Variants in CREB3L2 observed in about 807,000 individuals in gnomAD.
CREB3L2 encodes the protein cAMP responsive element binding protein 3 like 2.
A neutral mutation model predicts 57.2 loss-of-function variants in CREB3L2; 23 were observed. That is an observed-to-expected ratio of 0.40 (90% CI 0.29 to 0.57). The LOEUF is 0.57. Among genes scored for constraint, CREB3L2 ranks in the 20% least tolerant of loss-of-function variants. The probability of loss-of-function intolerance (pLI) is 0.42; values close to 1 mark genes in which losing one functional copy is unlikely to be tolerated. For missense variants in CREB3L2, 628 were observed against 634.7 expected (o/e 0.99, Z 0.11); for synonymous variants, 268 against 265.1 (o/e 1.01, Z -0.11).
At chr7:137,985,615 G>GT (rs1288691362) in intron 1 of CREB3L2, among the ~76,000 whole-genome samples, 2 of 152,134 alleles carry the variant, frequency 1.3e-5, no homozygotes, top group African/African-American at 4.8e-5. Flanking sequence ...AAAAAATAAT[G>GT]TAAGTGACCT....
At chr7:137,993,790 G>C (rs1343427291) in intron 1 of CREB3L2, among the ~76,000 whole-genome samples, 2 of 152,126 alleles carry the variant, frequency 1.3e-5, no homozygotes, top group African/African-American at 4.8e-5. Context: ...ACGATTCTCT[G>C]GGCATCCTGC....
intron 1 of CREB3L2, chr7:137,956,500 A>G (rs931342125): frequency 1.5e-4 from 87 of 574,284 alleles, no homozygotes; most frequent in Admixed American, 5.9e-5. Context: ...ATCAAATCTG[A>G]GCTCTCTCTT....
intron 4 of CREB3L2, 137 bp downstream of exon 4, chr7:137,912,854 T>A: frequency 6.5e-7 from 1 of 1,533,062 alleles, no homozygotes; most frequent in Non-Finnish European, 8.8e-7. Flanking sequence ...TTTTATTTTT[T>A]AAGAACAGAG....
intron 2 of CREB3L2, among the ~76,000 whole-genome samples, chr7:137,924,708 A>G (rs1800413552): frequency 6.6e-6 from 1 of 151,618 alleles, no homozygotes; most frequent in Admixed American, 6.6e-5. Flanking sequence ...CTTGCTTAGC[A>G]TCTGGTTCAC....
At chr7:137,949,722 T>C (rs1339370017) in intron 1 of CREB3L2, among the ~76,000 whole-genome samples, 1 of 152,240 alleles carries the variant, frequency 6.6e-6, no homozygotes, top group Non-Finnish European at 1.5e-5. Flanking sequence ...ACATTTGTGT[T>C]TCTCACACCA....
chr7:137,955,387 T>A, intron 1 of CREB3L2: 1 of 1,062,368 alleles, frequency 9.4e-7, no homozygotes, highest in Non-Finnish European at 1.3e-6. Flanking sequence ...TATGATTAGT[T>A]CTTCAGCACG....
chr7:137,900,798 C>T (rs1239472248), intron 8 of CREB3L2, among the ~76,000 whole-genome samples: 3 of 151,210 alleles, frequency 2.0e-5, no homozygotes, highest in East Asian at 1.9e-4. Flanking sequence ...AGCAAGACTC[C>T]GTCTCAAAAA....
At position 137,905,858 on chromosome 7, in the gene CREB3L2, C is replaced by A; in HGVS notation, c.769-10G>T. The A allele has an allele frequency of 6.3e-7, 1 of 1,592,758 alleles. No homozygotes were observed. Among genetic ancestry groups the A allele is most frequent in the South Asian group, 1.1e-5 (1 of 87,682 alleles). The stretch of plus-strand genomic sequence containing the variant: ...CTGATCCCTGCAGTTTCTGTGCAGA[C>A]CAAGGAGCAGAAAAGGGTCAAAGAA... On this transcript the variant is annotated splice_polypyrimidine_tract_variant and intron_variant, in intron 5 of 11. Transcript: ENST00000330387.
At chr7:137,935,128 C>T (rs1445235821) in intron 1 of CREB3L2, among the ~76,000 whole-genome samples, 1 of 152,188 alleles carries the variant, frequency 6.6e-6, no homozygotes, top group Non-Finnish European at 1.5e-5. Context: ...TATGTCCATA[C>T]TCCAAACCTT....
intron 1 of CREB3L2, among the ~76,000 whole-genome samples, chr7:137,966,867 CAT>C (rs1801416681): frequency 6.6e-6 from 1 of 152,132 alleles, no homozygotes; most frequent in African/African-American, 2.4e-5. Context: ...GGAATGAGGG[CAT>C]GGAAGGAGGG....
chr7:137,946,844 C>A lies in CREB3L2; in HGVS notation c.103-18478G>T, dbSNP rs56937635. The stretch of plus-strand genomic sequence containing the variant: ...TATATAGTTATCTATATATAGTTAT[C>A]TATATAGTTATCTATATAGTTATAT... On this transcript the variant is annotated intron_variant, in intron 1 of 11. Coordinates refer to ENST00000330387, the MANE Select transcript of CREB3L2 (RefSeq NM_194071.4). Among the ~76,000 whole-genome samples the A allele has an allele frequency of 1.5e-3, 44 of 28,884 alleles. 4 individuals are homozygous for A. Among genetic ancestry groups the A allele is most frequent in the African/African-American group, 4.9e-3 (27 of 5,552 alleles). The allele number at this position is 28,884 out of a possible 152,430, so 18.9% of individuals were successfully genotyped here. A position where few individuals can be genotyped will look rare whatever the true frequency, so the allele number is the denominator to read the frequency against.
chr7:137,979,357 A>G (rs1361246957), intron 1 of CREB3L2, among the ~76,000 whole-genome samples: 2 of 152,228 alleles, frequency 1.3e-5, no homozygotes, highest in Non-Finnish European at 2.9e-5. Context: ...AATAAAGCAC[A>G]GCAAGGGCGG....
chr7:137,953,132 C>G (rs1466960766), intron 1 of CREB3L2, among the ~76,000 whole-genome samples: 1 of 152,180 alleles, frequency 6.6e-6, no homozygotes, highest in Non-Finnish European at 1.5e-5. Context: ...AAGAATATTT[C>G]AATCACTTAG....
chr7:137,929,921 G>A (rs960948968), intron 1 of CREB3L2, among the ~76,000 whole-genome samples: 13 of 149,704 alleles, frequency 8.7e-5, no homozygotes, highest in East Asian at 2.0e-4. Context: ...TTTTTGAGAC[G>A]GAGTCTTGCT....
intron 8 of CREB3L2, among the ~76,000 whole-genome samples, 176 bp downstream of exon 8, chr7:137,901,178 G>A (rs560398554): frequency 7.9e-5 from 12 of 152,290 alleles, no homozygotes; most frequent in East Asian, 1.9e-4. Flanking sequence ...GTGTGCATGC[G>A]TGTGTGTGTA....
rs1189646443 is a variant in CREB3L2 at position 137,903,985 on chromosome 7, T to C, written c.948A>G (p.Lys316=). The C allele has an allele frequency of 5.6e-6, 9 of 1,613,998 alleles. No individual in the cohort carries two copies. Among genetic ancestry groups the C allele is most frequent in the East Asian group, 2.2e-5 (1 of 44,894 alleles). Residue 316 remains lysine, a synonymous_variant, in exon 7 of 12, where the codon AAA becomes AAG. Coordinates refer to ENST00000330387, the MANE Select transcript of CREB3L2 (RefSeq NM_194071.4). ...ISAQESRRKK[K]EYMDSLEKKV... ...TTTTCTCCAGGCTGTCCATGTATTC[T>C]TTCTTCTTTCTCCTACTTTCCTGAG...
chr7:137,922,335 T>C (rs985833820), intron 2 of CREB3L2, among the ~76,000 whole-genome samples: 7 of 145,794 alleles, frequency 4.8e-5, no homozygotes, highest in South Asian at 2.2e-4. Context: ...AACTCCTAAA[T>C]TGATTGGGAC....
intron 1 of CREB3L2, among the ~76,000 whole-genome samples, chr7:137,979,647 AC>A (rs1276491286): frequency 6.6e-6 from 1 of 152,134 alleles, no homozygotes; most frequent in Non-Finnish European, 1.5e-5. Flanking sequence ...AATGGCGTGA[AC>A]CCGAGAGGCG....
At chr7:137,982,682 C>T (rs766326357) in intron 1 of CREB3L2, among the ~76,000 whole-genome samples, 3 of 152,102 alleles carry the variant, frequency 2.0e-5, no homozygotes, top group Non-Finnish European at 4.4e-5. Flanking sequence ...AACTGTGAGT[C>T]AATTAAACCT....
Sources: gnomAD v4.1 joint callset for allele counts (sites outside exome capture counted in the v4.1 genomes callset) on GRCh38, gnomAD v4.1.1 for gene constraint, MANE v1.5 for transcripts, NCBI Gene and HGNC (gene_info 2026-07-23, HGNC 2026-07-21) for gene names.